The following PRKCB variants were observed in gnomAD, a reference collection of about 807,000 sequenced individuals.
PRKCB encodes protein kinase C beta.
Under a neutral mutation model 81.5 loss-of-function variants are expected in PRKCB, and 13 were observed. The observed-to-expected ratio is 0.16, with a 90% CI of 0.10 to 0.25. The LOEUF (loss-of-function observed/expected upper bound fraction) is 0.25. PRKCB is among the 10% of genes least tolerant of loss of function. The pLI, the probability that PRKCB is intolerant of heterozygous loss-of-function variation, is 1.00. For synonymous variants in PRKCB, 335 were observed against 321.4 expected, an observed-to-expected ratio of 1.04 and a Z score of -0.45; for missense variants, 509 against 875.7, an observed-to-expected ratio of 0.58 and a Z score of 5.29.
intron 2 of PRKCB, among the ~76,000 whole-genome samples, chr16:23,880,982 T>C (rs182813964): frequency 1.9e-3 from 283 of 152,262 alleles, no homozygotes; most frequent in Admixed American, 3.5e-3. Flanking sequence ...GCCCTCCGGA[T>C]GGTCATGGGG....
intron 5 of PRKCB, among the ~76,000 whole-genome samples, chr16:24,064,460 T>A (rs1285246479): frequency 6.6e-6 from 1 of 152,240 alleles, no homozygotes; most frequent in Non-Finnish European, 1.5e-5. Context: ...ATTGATAGTT[T>A]GTTTCCACCA....
At chr16:24,129,284 G>A (rs924819824) in intron 9 of PRKCB, among the ~76,000 whole-genome samples, 2 of 152,020 alleles carry the variant, frequency 1.3e-5, no homozygotes, top group African/African-American at 2.4e-5. Context: ...GCTAATGTAC[G>A]TGAGTTGAGA....
At chr16:23,951,817 A>G (rs1315091592) in intron 2 of PRKCB, among the ~76,000 whole-genome samples, 2 of 151,772 alleles carry the variant, frequency 1.3e-5, no homozygotes, top group East Asian at 1.9e-4. Flanking sequence ...GGTCTGTCCT[A>G]TGTCTTTTCT....
At chr16:23,920,721 G>T (rs1402979944) in intron 2 of PRKCB, among the ~76,000 whole-genome samples, 1 of 152,162 alleles carries the variant, frequency 6.6e-6, no homozygotes, top group Non-Finnish European at 1.5e-5. Flanking sequence ...AGAGCCCAGG[G>T]GAAGGGGATG....
intron 5 of PRKCB, among the ~76,000 whole-genome samples, chr16:24,079,855 T>C (rs747639351): frequency 2.0e-5 from 3 of 152,260 alleles, no homozygotes; most frequent in Non-Finnish European, 4.4e-5. Flanking sequence ...GTAAGCATAA[T>C]GAAGGCTGTT....
chr16:23,998,154 C>T (rs1185772962), intron 3 of PRKCB, among the ~76,000 whole-genome samples: 1 of 152,152 alleles, frequency 6.6e-6, no homozygotes, highest in Non-Finnish European at 1.5e-5. Flanking sequence ...TAATTTTTTC[C>T]CGCCTTTGGG....
At chr16:23,999,923 C>T (rs1032501438) in intron 3 of PRKCB, among the ~76,000 whole-genome samples, 7 of 152,084 alleles carry the variant, frequency 4.6e-5, no homozygotes, top group Admixed American at 1.3e-4. Context: ...TGACTGACGA[C>T]GAGCAGGTTG....
intron 2 of PRKCB, among the ~76,000 whole-genome samples, chr16:23,842,186 T>C (rs1204741343): frequency 6.6e-6 from 1 of 152,174 alleles, no homozygotes; most frequent in East Asian, 1.9e-4. Flanking sequence ...GAATTGGGTA[T>C]GTATCTCTGA....
intron 6 of PRKCB, 93 bp from the exon 7 acceptor site, chr16:24,094,070 C>T: frequency 1.4e-6 from 2 of 1,391,972 alleles, no homozygotes; most frequent in Non-Finnish European, 1.9e-6. Context: ...ATCTTTAAAA[C>T]TTTCTACCTC....
intron 7 of PRKCB, among the ~76,000 whole-genome samples, chr16:24,107,622 G>A (rs1966595165): frequency 6.6e-6 from 1 of 152,190 alleles, no homozygotes; most frequent in Non-Finnish European, 1.5e-5. Flanking sequence ...GGGGGCACAC[G>A]TGTCCTATTT....
At chr16:24,172,814 G>A (rs1475907128) in intron 11 of PRKCB, among the ~76,000 whole-genome samples, 1 of 152,166 alleles carries the variant, frequency 6.6e-6, no homozygotes, top group Non-Finnish European at 1.5e-5. Flanking sequence ...GCTTAGAAAG[G>A]CCCTATATCT....
At chr16:23,852,994 A>G (rs1316805562) in intron 2 of PRKCB, among the ~76,000 whole-genome samples, 1 of 152,172 alleles carries the variant, frequency 6.6e-6, no homozygotes, top group Non-Finnish European at 1.5e-5. Flanking sequence ...GGAATCACCC[A>G]TTGGGGAATG....
chr16:23,971,876 G>C (rs1178950646), intron 2 of PRKCB, among the ~76,000 whole-genome samples: 1 of 152,066 alleles, frequency 6.6e-6, no homozygotes, highest in Non-Finnish European at 1.5e-5. Flanking sequence ...GTTAAACATA[G>C]AGTTACAGTA....
In PRKCB at chr16:24,027,159, G is replaced by A. The variant is rs541005440; in HGVS notation, c.289-4977G>A. 7.9e-5 allele frequency among the ~76,000 whole-genome samples: 12 copies of A among 151,974 alleles called. No individual in the cohort carries two copies. In the South Asian group the frequency reaches 1.0e-3, roughly 13 times the overall value. ...TGCCTCCCCTAGTCCCCCACCCCCCGACAGGTCCAGGTGTATTATGTTCCC... is the reference window on the plus strand; with the variant it reads ...TGCCTCCCCTAGTCCCCCACCCCCCAACAGGTCCAGGTGTATTATGTTCCC... On this transcript the variant is annotated intron_variant, in intron 3 of 16. Coordinates refer to ENST00000643927, the MANE Select transcript of PRKCB (RefSeq NM_002738.7).
chr16:24,215,005 G>T lies in PRKCB; in HGVS notation c.*189G>T. The T allele has an allele frequency of 7.2e-7, 1 of 1,387,802 alleles. No individual in the cohort carries two copies. The allele number at this position is 1,387,802 out of a possible 1,614,324, so 86.0% of individuals were successfully genotyped here. A position where few individuals can be genotyped will look rare whatever the true frequency, so the allele number is the denominator to read the frequency against. Reference sequence around the variant, plus strand: ...CATCTCTATGAGATGGGATTATGCAGATGGCCTATGGAAAATGCAGCTGCA... The same window carrying T: ...CATCTCTATGAGATGGGATTATGCATATGGCCTATGGAAAATGCAGCTGCA... On this transcript the variant is annotated 3_prime_UTR_variant, in exon 17 of 17. Transcript: ENST00000643927.
At chr16:24,120,194 G>C (rs1966783166) in intron 8 of PRKCB, among the ~76,000 whole-genome samples, 1 of 152,142 alleles carries the variant, frequency 6.6e-6, no homozygotes, top group Admixed American at 6.5e-5. Flanking sequence ...CTTAGTGGCG[G>C]GGGTTGCGGG....
chr16:23,962,742 T>C (rs1004842888), intron 2 of PRKCB, among the ~76,000 whole-genome samples: 7 of 151,586 alleles, frequency 4.6e-5, no homozygotes, highest in Admixed American at 1.3e-4. Flanking sequence ...CTTTGTTTTT[T>C]TTTTCTTTTA....
intron 9 of PRKCB, among the ~76,000 whole-genome samples, chr16:24,131,977 C>T (rs781541099): frequency 6.6e-6 from 1 of 152,196 alleles, no homozygotes; most frequent in Non-Finnish European, 1.5e-5. Context: ...CATCCCCCTC[C>T]TCCATATCCT....
At chr16:23,865,517 ATGTGTGTGTG>A (rs1160958906) in intron 2 of PRKCB, among the ~76,000 whole-genome samples, 5 of 6,756 alleles carry the variant, frequency 7.4e-4, no homozygotes, top group Admixed American at 2.1e-3. Flanking sequence ...ATATATATAT[ATGTGTGTGTG>A]TGTGTGTGTG....
Sources: gnomAD v4.1 joint callset for allele counts (sites outside exome capture counted in the v4.1 genomes callset) on GRCh38, gnomAD v4.1.1 for gene constraint, MANE v1.5 for transcripts, NCBI Gene and HGNC (gene_info 2026-07-23, HGNC 2026-07-21) for gene names.